CD44: variants seen among roughly 807,000 people sequenced by gnomAD.
CD44 encodes CD44 molecule (IN blood group), also known as CD44 antigen.
A neutral mutation model predicts 88.8 loss-of-function variants in CD44; 49 were observed. The observed-to-expected ratio is 0.55, with a 90% CI of 0.44 to 0.70. The LOEUF is 0.70. Among genes scored for constraint, CD44 ranks in the 30% least tolerant of loss-of-function variants. CD44 has a pLI of 0.00. For synonymous variants in CD44, 325 were observed against 312.3 expected (o/e 1.04, Z -0.43); for missense variants, 883 against 913.8 (o/e 0.97, Z 0.43).
chr11:35,201,587 A>T, intron 8 of CD44, 84 bp from the exon 9 acceptor site: 1 of 1,545,444 alleles, frequency 6.5e-7, no homozygotes, highest in Non-Finnish European at 8.9e-7. Context: ...GAATTGTTAA[A>T]TAGCATGCAC....
chr11:35,191,297 C>T (rs1946249173), intron 5 of CD44, among the ~76,000 whole-genome samples: 1 of 152,186 alleles, frequency 6.6e-6, no homozygotes, highest in Non-Finnish European at 1.5e-5. Flanking sequence ...AAATTTCTGT[C>T]AGTCTCTGGC....
chr11:35,173,311 C>T (rs761847581), intron 1 of CD44, among the ~76,000 whole-genome samples: 24 of 152,196 alleles, frequency 1.6e-4, no homozygotes, highest in Non-Finnish European at 2.5e-4. Context: ...CAAGGAGAGG[C>T]CCCGGAAGGT....
At chr11:35,166,034 G>GA (rs200890008) in intron 1 of CD44, among the ~76,000 whole-genome samples, 73 of 151,048 alleles carry the variant, frequency 4.8e-4, no homozygotes, top group African/African-American at 1.6e-3. Context: ...TAACTACCCA[G>GA]AAAAAAAAAT....
chr11:35,159,597 AT>A (rs1237170474), intron 1 of CD44, among the ~76,000 whole-genome samples: 1 of 152,218 alleles, frequency 6.6e-6, no homozygotes, highest in East Asian at 1.9e-4. Context: ...ACTATCTGTT[AT>A]GATCCAGACT....
intron 15 of CD44, 150 bp downstream of exon 15, chr11:35,215,064 A>T (rs1436430032): frequency 2.3e-6 from 1 of 435,324 alleles, no homozygotes; most frequent in East Asian, 3.5e-5. Context: ...ATTAAACCAC[A>T]ATGCTGGACC....
At chr11:35,192,522 C>G (rs1325201141) in intron 5 of CD44, among the ~76,000 whole-genome samples, 1 of 152,162 alleles carries the variant, frequency 6.6e-6, no homozygotes, top group Admixed American at 6.5e-5. Context: ...GGAGTGCTGG[C>G]TGAGAGCACA....
chr11:35,200,855 C>G (rs542675156), intron 7 of CD44, among the ~76,000 whole-genome samples: 2 of 152,094 alleles, frequency 1.3e-5, no homozygotes, highest in African/African-American at 4.8e-5. Context: ...TGTTCTGAAC[C>G]CCAAGGTATT....
intron 16 of CD44, among the ~76,000 whole-genome samples, 157 bp downstream of exon 16, chr11:35,219,544 T>C (rs1247041448): frequency 6.6e-6 from 1 of 152,246 alleles, no homozygotes; most frequent in East Asian, 1.9e-4. Context: ...TGAATGAGAA[T>C]ACTACACCCT....
In CD44 at chr11:35,139,178, C is replaced by G; in HGVS notation, c.-126C>G. 1.4e-6 allele frequency: 1 copy of G among 711,910 alleles called. No individual in the cohort carries two copies. The highest frequency in any genetic ancestry group is 2.5e-6 in the Non-Finnish European group (1 of 400,816). The allele number at this position is 711,910 out of a possible 1,614,324, so 44.1% of individuals were successfully genotyped here. A position where few individuals can be genotyped will look rare whatever the true frequency, so the allele number is the denominator to read the frequency against. On this transcript the variant is annotated 5_prime_UTR_variant, in exon 1 of 18. Transcript: ENST00000428726. ...GCCAACTTCCGAGGCAGCCTCATTG[C>G]CCAGCGGACCCCAGCCTCTGCCAGG...
chr11:35,158,981 G>A (rs2133300149), intron 1 of CD44, among the ~76,000 whole-genome samples: 1 of 152,264 alleles, frequency 6.6e-6, no homozygotes, highest in Non-Finnish European at 1.5e-5. Flanking sequence ...GGGGCTGGAG[G>A]AAGAAATGGT....
chr11:35,195,430 G>C (rs1278503416), intron 5 of CD44, among the ~76,000 whole-genome samples: 1 of 151,794 alleles, frequency 6.6e-6, no homozygotes, highest in African/African-American at 2.4e-5. Flanking sequence ...GGGGAGGGGG[G>C]ATACAGAGAT....
chr11:35,186,451 C>A (rs927577344), intron 3 of CD44, among the ~76,000 whole-genome samples: 1 of 152,144 alleles, frequency 6.6e-6, no homozygotes, highest in South Asian at 2.1e-4. Flanking sequence ...AATGTTCCTG[C>A]ATTACTTTTG....
At chr11:35,172,840 A>G (rs955661177) in intron 1 of CD44, among the ~76,000 whole-genome samples, 4 of 147,810 alleles carry the variant, frequency 2.7e-5, no homozygotes, top group Admixed American at 2.1e-4. Flanking sequence ...GTGAGAGTTT[A>G]TTTTGGTGCA....
chr11:35,187,284 G>GA (rs552708155), intron 4 of CD44, among the ~76,000 whole-genome samples: 5 of 150,788 alleles, frequency 3.3e-5, no homozygotes, highest in South Asian at 2.1e-4. Flanking sequence ...CAAAAAAAAA[G>GA]AAAAAAAAAT....
chr11:35,162,008 C>T (rs1427790537), intron 1 of CD44, among the ~76,000 whole-genome samples: 3 of 152,192 alleles, frequency 2.0e-5, no homozygotes, highest in Non-Finnish European at 4.4e-5. Context: ...CTGTGTAACA[C>T]TATGAGTATC....
intron 1 of CD44, among the ~76,000 whole-genome samples, chr11:35,144,489 G>A (rs1858704136): frequency 6.6e-6 from 1 of 152,222 alleles, no homozygotes; most frequent in Admixed American, 6.5e-5. Context: ...TGGCAGGGTA[G>A]GTTGATACCT....
At chr11:35,201,966 A>G (rs1286707364) in intron 9 of CD44, among the ~76,000 whole-genome samples, 179 bp downstream of exon 9, 3 of 152,196 alleles carry the variant, frequency 2.0e-5, no homozygotes, top group Non-Finnish European at 4.4e-5. Flanking sequence ...TTGGAAGGAA[A>G]ATGATAACTC....
At chr11:35,219,760 C>T (rs1160109924) in intron 16 of CD44, among the ~76,000 whole-genome samples, 1 of 152,162 alleles carries the variant, frequency 6.6e-6, no homozygotes, top group Non-Finnish European at 1.5e-5. Flanking sequence ...TTCTGGGGTC[C>T]AAGGTGAAGC....
chr11:35,158,438 G>A (rs1008582010), intron 1 of CD44, among the ~76,000 whole-genome samples: 4 of 152,170 alleles, frequency 2.6e-5, no homozygotes, highest in Non-Finnish European at 5.9e-5. Flanking sequence ...TAACTTTTCT[G>A]AGCCTCAATT....
Sources: allele counts gnomAD v4.1 joint callset (sites outside exome capture counted in the v4.1 genomes callset), GRCh38; gene constraint gnomAD v4.1.1; transcripts MANE v1.5; gene names NCBI Gene and HGNC (gene_info 2026-07-23, HGNC 2026-07-21).